The following TMOD1 variants were observed in gnomAD, a reference collection of about 807,000 sequenced individuals.
TMOD1 encodes the protein tropomodulin-1.
A neutral mutation model predicts 40.6 loss-of-function variants in TMOD1; 17 were observed. The ratio of observed to expected loss-of-function variants is 0.42; its 90% CI spans 0.29 to 0.63. The LOEUF (loss-of-function observed/expected upper bound fraction) is 0.63. Ranked by LOEUF, TMOD1 falls within the 20% of genes least tolerant of loss-of-function variation. The pLI is 0.22. For synonymous variants in TMOD1, 181 were observed against 175.0 expected, an observed-to-expected ratio of 1.03 and a Z score of -0.27; for missense variants, 391 against 447.6, an observed-to-expected ratio of 0.87 and a Z score of 1.14.
chr9:97,571,560 T>C (rs937941652), intron 8 of TMOD1, among the ~76,000 whole-genome samples: 2 of 152,268 alleles, frequency 1.3e-5, no homozygotes, highest in East Asian at 1.9e-4. Context: ...AAAACCATAC[T>C]GGGTACTTTG....
At chr9:97,509,732 T>TAC (rs1829665308) in intron 1 of TMOD1, among the ~76,000 whole-genome samples, 1 of 152,032 alleles carries the variant, frequency 6.6e-6, no homozygotes, top group Non-Finnish European at 1.5e-5. Flanking sequence ...AAAAAGGGTA[T>TAC]ACCAATGTAA....
At chr9:97,512,015 G>C (rs745450849) in intron 1 of TMOD1, among the ~76,000 whole-genome samples, 2 of 152,188 alleles carry the variant, frequency 1.3e-5, no homozygotes. Flanking sequence ...CTCTTCCCCA[G>C]GTGAGCCCAG....
In TMOD1 at chr9:97,593,619, A is replaced by G. The variant is rs1252675727; in HGVS notation, c.1015+2184A>G. On this transcript the variant is annotated intron_variant, in intron 9 of 9. Coordinates refer to ENST00000259365, the MANE Select transcript of TMOD1 (RefSeq NM_003275.4). ...AAGAAGCTTTATAACCTTTTAGGGGAAAAAAAAGACTCAAAGGCATGCCTA... is the reference window on the plus strand; with the variant it reads ...AAGAAGCTTTATAACCTTTTAGGGGGAAAAAAAGACTCAAAGGCATGCCTA... 2.6e-5 allele frequency among the ~76,000 whole-genome samples: 4 copies of G among 152,014 alleles called. No homozygotes were observed. The South Asian group carries it at 6.2e-4, about 24-fold the overall frequency.
chr9:97,578,286 C>T (rs1825657454), intron 8 of TMOD1, among the ~76,000 whole-genome samples: 1 of 152,198 alleles, frequency 6.6e-6, no homozygotes, highest in South Asian at 2.1e-4. Context: ...ATCTCCTGAC[C>T]TCGTGATCCG....
intron 2 of TMOD1, among the ~76,000 whole-genome samples, chr9:97,532,936 C>G (rs1050367648): frequency 5.9e-5 from 9 of 152,174 alleles, no homozygotes; most frequent in African/African-American, 1.7e-4. Context: ...TGACCGTGGC[C>G]TCTGTGTCAG....
intron 4 of TMOD1, 114 bp downstream of exon 4, chr9:97,553,514 C>A: frequency 2.1e-6 from 3 of 1,405,096 alleles, no homozygotes; most frequent in Non-Finnish European, 2.9e-6. Context: ...CTAACAAGAA[C>A]TAGAGGAGAC....
chr9:97,585,239 G>T (rs1825844539), intron 8 of TMOD1, among the ~76,000 whole-genome samples: 3 of 151,596 alleles, frequency 2.0e-5, no homozygotes, highest in African/African-American at 2.4e-5. Context: ...GTCTGTAAAG[G>T]ATTTTATTTC....
At chr9:97,511,653 G>A (rs902814781) in intron 1 of TMOD1, among the ~76,000 whole-genome samples, 8 of 152,118 alleles carry the variant, frequency 5.3e-5, no homozygotes, top group African/African-American at 2.4e-5. Context: ...GGTGCAAACA[G>A]GACTCACTGC....
intron 9 of TMOD1, among the ~76,000 whole-genome samples, chr9:97,597,563 C>A (rs1826137284): frequency 6.6e-6 from 1 of 151,916 alleles, no homozygotes; most frequent in African/African-American, 2.4e-5. Flanking sequence ...CTGGGCATGG[C>A]AGTGCATGCC....
intron 1 of TMOD1, among the ~76,000 whole-genome samples, chr9:97,507,245 C>A (rs890238740): frequency 2.0e-5 from 3 of 152,088 alleles, no homozygotes; most frequent in African/African-American, 7.3e-5. Context: ...CACCTGAGAC[C>A]CTGAGACATC....
rs1167591143 is a variant in TMOD1 at position 97,599,921 on chromosome 9, T to C, written c.*223T>C. 2 of 1,312,174 alleles carry C rather than the reference T, an allele frequency of 1.5e-6. No individual in the cohort carries two copies. Among genetic ancestry groups the C allele is most frequent in the Non-Finnish European group, 2.0e-6 (2 of 1,023,982 alleles). The allele number at this position is 1,312,174 out of a possible 1,614,324, so 81.3% of individuals were successfully genotyped here. On this transcript the variant is annotated 3_prime_UTR_variant, in exon 10 of 10. Coordinates refer to ENST00000259365, the MANE Select transcript of TMOD1 (RefSeq NM_003275.4). Reference sequence around the variant, plus strand: ...TAGTCACAGAAGTTGAATCTGGTTATTATTTAAAAACTAGAAGCCCCCAAA... The same window carrying C: ...TAGTCACAGAAGTTGAATCTGGTTACTATTTAAAAACTAGAAGCCCCCAAA...
At chr9:97,574,450 A>G (rs937571825) in intron 8 of TMOD1, among the ~76,000 whole-genome samples, 8 of 152,144 alleles carry the variant, frequency 5.3e-5, no homozygotes, top group South Asian at 4.1e-4. Context: ...GCCATGCCTG[A>G]GCTTCCCCCA....
Position 97,557,815 on chromosome 9 carries a change from T to C in TMOD1, c.397+4415T>C, listed in dbSNP as rs539690033. Among the ~76,000 whole-genome samples the C allele has an allele frequency of 1.3e-5, 2 of 152,292 alleles. No homozygotes were observed. Among genetic ancestry groups the C allele is most frequent in the South Asian group, 4.1e-4 (2 of 4,826 alleles). On this transcript the variant is annotated intron_variant, in intron 4 of 9. Coordinates refer to ENST00000259365, the MANE Select transcript of TMOD1 (RefSeq NM_003275.4). The surrounding 1 kb of genome is among the most constrained non-coding windows in gnomAD (Gnocchi z 4.4). Reference sequence around the variant, plus strand: ...CAGGGAGAGGAAACAGAACTCAATGTTCTTTTTCAGAGTTCAAAAATAGTC... The same window carrying C: ...CAGGGAGAGGAAACAGAACTCAATGCTCTTTTTCAGAGTTCAAAAATAGTC...
intron 2 of TMOD1, among the ~76,000 whole-genome samples, chr9:97,530,512 G>A (rs957585669): frequency 2.0e-5 from 3 of 148,026 alleles, no homozygotes; most frequent in Non-Finnish European, 4.5e-5. Flanking sequence ...TTTTGAGACA[G>A]AGTCTCGCTC....
rs1378670626 is a variant in TMOD1 at position 97,502,200 on chromosome 9, G to A, written c.-49+397G>A. Among the ~76,000 whole-genome samples the A allele has an allele frequency of 6.6e-6, 1 of 152,172 alleles. No individual in the cohort carries two copies. The highest frequency in any genetic ancestry group is 6.5e-5 in the Admixed American group (1 of 15,290). ...CGCGGCGGGGCTCTGAGCCCGCGGG[G>A]TGCTCAGCTGGGTACAGGTGCCAGC... On this transcript the variant is annotated intron_variant, in intron 1 of 9. Coordinates refer to ENST00000259365, the MANE Select transcript of TMOD1 (RefSeq NM_003275.4). This position sits in a 1 kb window ranked among gnomAD's most constrained non-coding sequence, Gnocchi z 6.1.
At chr9:97,586,590 G>A (rs1825876194) in intron 8 of TMOD1, among the ~76,000 whole-genome samples, 1 of 151,478 alleles carries the variant, frequency 6.6e-6, no homozygotes, top group African/African-American at 2.4e-5. Context: ...AATGGCGGGC[G>A]CCCCTCCCCC....
intron 2 of TMOD1, 52 bp downstream of exon 2, chr9:97,524,360 A>G: frequency 6.3e-7 from 1 of 1,592,168 alleles, no homozygotes. Context: ...GGACCTGGGG[A>G]GGGACAGGTG....
At chr9:97,518,671 C>T (rs571357412) in intron 1 of TMOD1, among the ~76,000 whole-genome samples, 1 of 152,312 alleles carries the variant, frequency 6.6e-6, no homozygotes, top group South Asian at 2.1e-4. Flanking sequence ...TGATATGAAG[C>T]ATGGCTGCCC....
intron 1 of TMOD1, among the ~76,000 whole-genome samples, chr9:97,504,377 T>C (rs1160199832): frequency 6.6e-6 from 1 of 151,770 alleles, no homozygotes; most frequent in Non-Finnish European, 1.5e-5. Context: ...TTCTAAAAGC[T>C]TGGATGAGAA....
Sources: gnomAD v4.1 joint callset for allele counts (sites outside exome capture counted in the v4.1 genomes callset) on GRCh38, gnomAD v4.1.1 for gene constraint, Gnocchi (gnomAD v3.1) non-coding constraint, MANE v1.5 for transcripts, NCBI Gene and HGNC (gene_info 2026-07-23, HGNC 2026-07-21) for gene names.